The following OSBPL9 variants were observed in gnomAD, a reference collection of about 807,000 sequenced individuals.
OSBPL9 encodes oxysterol binding protein like 9.
In OSBPL9, 40 loss-of-function variants were observed where a neutral mutation model predicts 106.6. The ratio of observed to expected loss-of-function variants is 0.38; its 90% CI spans 0.29 to 0.49. OSBPL9 has a LOEUF of 0.49. OSBPL9 is among the 20% of genes least tolerant of loss of function. OSBPL9 has a pLI of 0.97. For missense variants in OSBPL9, 609 were observed against 887.2 expected (o/e 0.69, Z 3.98); for synonymous variants, 269 against 295.4 (o/e 0.91, Z 0.92).
At chr1:51,650,133 TC>T (rs892044363) in intron 1 of OSBPL9, among the ~76,000 whole-genome samples, 9 of 152,174 alleles carry the variant, frequency 5.9e-5, no homozygotes, top group African/African-American at 2.2e-4. Context: ...TGCCTTGGAC[TC>T]CCAAAGTGCT....
intron 9 of OSBPL9, among the ~76,000 whole-genome samples, chr1:51,758,147 T>C (rs566288491): frequency 3.9e-4 from 60 of 152,138 alleles, no homozygotes; most frequent in Non-Finnish European, 6.6e-4. Context: ...TTGAGTACTT[T>C]TAATATACAT....
rs188573966 is a variant in OSBPL9 at position 51,752,593 on chromosome 1, A to G, written c.543+2398A>G. The G allele has an allele frequency of 8.8e-6, 4 of 454,490 alleles. No individual in the cohort carries two copies. In the Admixed American group the frequency reaches 9.4e-5, roughly 11 times the overall value. The allele number at this position is 454,490 out of a possible 1,614,324, so 28.2% of individuals were successfully genotyped here. On this transcript the variant is annotated intron_variant, in intron 8 of 23. Transcript: ENST00000428468. ...CAAAATACCATAGACTGGGTGGCTT[A>G]AAGAACAGAAGTTTATTTTCTCACC...
chr1:51,685,828 T>G (rs1376501203), intron 3 of OSBPL9, among the ~76,000 whole-genome samples: 1 of 152,218 alleles, frequency 6.6e-6, no homozygotes, highest in Non-Finnish European at 1.5e-5. Context: ...ATACAGCGTA[T>G]AGATTAAAGT....
At chr1:51,787,285 A>G (rs1282815806) in intron 22 of OSBPL9, 68 bp from the exon 23 acceptor site, 1 of 1,479,274 alleles carries the variant, frequency 6.8e-7, no homozygotes, top group East Asian at 2.3e-5. Context: ...CTTGTATTAT[A>G]CTATATTCAG....
upstream of OSBPL9, among the ~76,000 whole-genome samples, chr1:51,616,027 T>TTTTTTTTTTTTTTTGTGTG (rs1292732346): frequency 1.4e-5 from 2 of 147,356 alleles, no homozygotes; most frequent in African/African-American, 5.1e-5. Context: ...TTTTTTTTTT[T>TTTTTTTTTTTTTTTGTGTG]TGTGTGAGAG....
upstream of OSBPL9, among the ~76,000 whole-genome samples, chr1:51,612,647 C>T (rs929116547): frequency 6.6e-6 from 1 of 152,204 alleles, no homozygotes; most frequent in African/African-American, 2.4e-5. Context: ...TCCTGGCTTT[C>T]CCTGATGACC....
At chr1:51,726,054 A>G (rs1663061674) in intron 4 of OSBPL9, among the ~76,000 whole-genome samples, 1 of 152,264 alleles carries the variant, frequency 6.6e-6, no homozygotes, top group Non-Finnish European at 1.5e-5. Context: ...TCTGTATTAT[A>G]TATTGTATTC....
intron 4 of OSBPL9, among the ~76,000 whole-genome samples, chr1:51,718,960 A>G (rs1661560106): frequency 1.3e-5 from 2 of 152,104 alleles, no homozygotes; most frequent in Non-Finnish European, 2.9e-5. Context: ...ACCTAATTCC[A>G]TCACCCTTCA....
At chr1:51,579,358 A>T (rs1305242889) in intron 1 of OSBPL9, among the ~76,000 whole-genome samples, 1 of 152,180 alleles carries the variant, frequency 6.6e-6, no homozygotes, top group African/African-American at 2.4e-5. Flanking sequence ...AGGTAAAGAG[A>T]TGTAAATATT....
chr1:51,625,615 G>A (rs985503164), intron 1 of OSBPL9, among the ~76,000 whole-genome samples: 2 of 151,696 alleles, frequency 1.3e-5, no homozygotes, highest in African/African-American at 4.8e-5. Flanking sequence ...CCAGCACCAA[G>A]ACTCAAAATC....
At chr1:51,766,260 G>C (rs987823869) in intron 12 of OSBPL9, among the ~76,000 whole-genome samples, 2 of 152,144 alleles carry the variant, frequency 1.3e-5, no homozygotes, top group Non-Finnish European at 2.9e-5. Flanking sequence ...CTATAGTAAT[G>C]TGCCAGCGTT....
intron 1 of OSBPL9, among the ~76,000 whole-genome samples, chr1:51,635,415 G>A (rs1645369651): frequency 1.3e-5 from 2 of 152,260 alleles, no homozygotes; most frequent in Admixed American, 1.3e-4. Flanking sequence ...CTCCACTAAT[G>A]TAGATTACCT....
intron 4 of OSBPL9, among the ~76,000 whole-genome samples, chr1:51,743,110 T>A (rs1204671530): frequency 6.6e-6 from 1 of 152,234 alleles, no homozygotes; most frequent in Non-Finnish European, 1.5e-5. Context: ...TGGTTGCAGA[T>A]GGGGCAACTA....
intron 2 of OSBPL9, among the ~76,000 whole-genome samples, chr1:51,661,009 G>T (rs987700203): frequency 2.0e-5 from 3 of 152,140 alleles, no homozygotes; most frequent in Middle Eastern, 3.2e-3. Context: ...TTTTAAACCT[G>T]AGTCTCAGTT....
intron 1 of OSBPL9, among the ~76,000 whole-genome samples, chr1:51,643,762 A>G (rs780411117): frequency 2.0e-5 from 3 of 151,818 alleles, no homozygotes; most frequent in Non-Finnish European, 4.4e-5. Flanking sequence ...ATTGGAGGAG[A>G]GGAAGAAGAG....
intron 3 of OSBPL9, among the ~76,000 whole-genome samples, chr1:51,696,803 G>GT (rs897897353): frequency 4.4e-4 from 67 of 151,256 alleles, no homozygotes; most frequent in African/African-American, 9.9e-4. Flanking sequence ...CCCCTGTCCC[G>GT]TTTTTTTTTA....
At chr1:51,651,122 A>G (rs1646492574) in intron 1 of OSBPL9, among the ~76,000 whole-genome samples, 1 of 152,180 alleles carries the variant, frequency 6.6e-6, no homozygotes, top group Non-Finnish European at 1.5e-5. Flanking sequence ...GTGGAAATCT[A>G]AATCAGACAG....
At chr1:51,587,564 T>A (rs1434592083) in intron 1 of OSBPL9, among the ~76,000 whole-genome samples, 5 of 152,176 alleles carry the variant, frequency 3.3e-5, no homozygotes, top group Non-Finnish European at 7.3e-5. Context: ...TCCTTCTTCC[T>A]TCAAACTTGT....
intron 1 of OSBPL9, among the ~76,000 whole-genome samples, chr1:51,649,198 C>G (rs1295664463): frequency 6.6e-6 from 1 of 152,180 alleles, no homozygotes; most frequent in East Asian, 1.9e-4. Flanking sequence ...CCTCCGCCTC[C>G]CAGGTTCAAG....
Sources: gnomAD v4.1 joint callset for allele counts (sites outside exome capture counted in the v4.1 genomes callset) on GRCh38, gnomAD v4.1.1 for gene constraint, MANE v1.5 for transcripts, NCBI Gene and HGNC (gene_info 2026-07-23, HGNC 2026-07-21) for gene names.